Variants in ITPR2 observed in about 807,000 individuals in gnomAD.
ITPR2 encodes the protein inositol 1,4,5-trisphosphate-gated calcium channel ITPR2.
A neutral mutation model predicts 317.1 loss-of-function variants in ITPR2; 207 were observed. That is an observed-to-expected ratio of 0.65 (90% CI 0.58 to 0.73). The LOEUF is 0.73. Ranked by LOEUF, ITPR2 falls within the 30% of genes least tolerant of loss-of-function variation. The pLI, the probability that ITPR2 is intolerant of heterozygous loss-of-function variation, is 0.00. For synonymous variants in ITPR2, 1,156 were observed against 1,149.1 expected (o/e 1.01, Z -0.12); for missense variants, 2,613 against 3,284.0 (o/e 0.80, Z 4.99).
intron 2 of ITPR2, among the ~76,000 whole-genome samples, chr12:26,737,803 T>C (rs1356778154): frequency 6.6e-6 from 1 of 152,220 alleles, no homozygotes; most frequent in East Asian, 1.9e-4. Flanking sequence ...TATGTAAATA[T>C]GTATTATTAT....
intron 37 of ITPR2, among the ~76,000 whole-genome samples, chr12:26,547,479 G>GA (rs1944417224): frequency 6.6e-6 from 1 of 152,200 alleles, no homozygotes; most frequent in Non-Finnish European, 1.5e-5. Context: ...GAGCCACTGT[G>GA]AAAAACAGTA....
chr12:26,385,352 A>G (rs941925519), intron 55 of ITPR2, among the ~76,000 whole-genome samples: 2 of 152,036 alleles, frequency 1.3e-5, no homozygotes, highest in Non-Finnish European at 2.9e-5. Context: ...CTTTCTCCCA[A>G]TGACCAGGCA....
chr12:26,377,235 C>A (rs1939373844), intron 55 of ITPR2, among the ~76,000 whole-genome samples: 1 of 152,150 alleles, frequency 6.6e-6, no homozygotes, highest in African/African-American at 2.4e-5. Context: ...AAGCCCTAGG[C>A]TCTGGCAGAC....
At chr12:26,675,402 A>G (rs1273423903) in intron 13 of ITPR2, among the ~76,000 whole-genome samples, 1 of 149,328 alleles carries the variant, frequency 6.7e-6, no homozygotes, top group African/African-American at 2.5e-5. Context: ...TTGTAGGGAC[A>G]TGGATGAAAT....
chr12:26,603,299 C>A (rs959828805), intron 26 of ITPR2, among the ~76,000 whole-genome samples: 2 of 152,056 alleles, frequency 1.3e-5, no homozygotes, highest in African/African-American at 4.8e-5. Flanking sequence ...GTTTAAATTA[C>A]CAAATTAATA....
At chr12:26,581,674 T>C (rs1344543014) in intron 32 of ITPR2, among the ~76,000 whole-genome samples, 1 of 152,210 alleles carries the variant, frequency 6.6e-6, no homozygotes, top group Non-Finnish European at 1.5e-5. Flanking sequence ...AACCTAGGAT[T>C]AAAATTTAAT....
chr12:26,686,703 A>C, intron 10 of ITPR2, 71 bp from the exon 11 acceptor site: 1 of 1,356,784 alleles, frequency 7.4e-7, no homozygotes, highest in East Asian at 2.4e-5. Context: ...ATCAGGTGAT[A>C]AGGTTTAAAT....
chr12:26,561,957 A>G lies in ITPR2; in HGVS notation c.4631-5T>C, dbSNP rs1253123771. 6.6e-7 allele frequency: 1 copy of G among 1,508,338 alleles called. No individual in the cohort carries two copies. The allele number at this position is 1,508,338 out of a possible 1,614,324, so 93.4% of individuals were successfully genotyped here. A position where few individuals can be genotyped will look rare whatever the true frequency, so the allele number is the denominator to read the frequency against. ...TGGCAATTCCACGATTTTTTGCTGA[A>G]AAAGAAAGATTTAAAATATTTCCCT... On this transcript the variant is annotated splice_polypyrimidine_tract_variant and splice_region_variant and intron_variant, in intron 34 of 56. Coordinates refer to ENST00000381340, the MANE Select transcript of ITPR2 (RefSeq NM_002223.4).
chr12:26,577,567 T>C (rs1033090807), intron 34 of ITPR2, among the ~76,000 whole-genome samples: 3 of 152,200 alleles, frequency 2.0e-5, no homozygotes. Context: ...TTCTCTTTTG[T>C]GGTATACAGA....
At chr12:26,554,323 A>C (rs7970383) in intron 36 of ITPR2, among the ~76,000 whole-genome samples, 52,838 of 151,800 alleles carry the variant, frequency 0.35, 11,379 homozygotes, top group South Asian at 0.49. Flanking sequence ...TTTTTATTTC[A>C]TTTTAATTCA....
chr12:26,781,990 C>CTATATA (rs1491564819), intron 2 of ITPR2, among the ~76,000 whole-genome samples: 4 of 60,318 alleles, frequency 6.6e-5, no homozygotes, highest in African/African-American at 2.7e-4. Context: ...ATAAACTCCC[C>CTATATA]TGTATATATA....
rs541445474 is a variant in ITPR2 at position 26,496,384 on chromosome 12, T to G, written c.5074-1124A>C. Among the ~76,000 whole-genome samples the G allele has an allele frequency of 3.9e-5, 6 of 152,316 alleles. No homozygotes were observed. The South Asian group carries it at 1.2e-3, about 32-fold the overall frequency. Reference sequence around the variant, plus strand: ...CATTCACTTTCTCATATTTTGGCTATTCTTTCTCAAGTTCTTTAGGTATTA... The same window carrying G: ...CATTCACTTTCTCATATTTTGGCTAGTCTTTCTCAAGTTCTTTAGGTATTA... On this transcript the variant is annotated intron_variant, in intron 37 of 56. Coordinates refer to ENST00000381340, the MANE Select transcript of ITPR2 (RefSeq NM_002223.4).
At chr12:26,379,782 G>C (rs1939450066) in intron 55 of ITPR2, among the ~76,000 whole-genome samples, 1 of 152,070 alleles carries the variant, frequency 6.6e-6, no homozygotes, top group East Asian at 1.9e-4. Context: ...TTTATCAATG[G>C]GTACATTGAA....
At chr12:26,616,440 T>C (rs1946376894) in intron 26 of ITPR2, among the ~76,000 whole-genome samples, 1 of 152,132 alleles carries the variant, frequency 6.6e-6, no homozygotes, top group Non-Finnish European at 1.5e-5. Flanking sequence ...CCCGGCCGCA[T>C]GTGGAAATTT....
chr12:26,745,299 T>C (rs1949300725), intron 2 of ITPR2, among the ~76,000 whole-genome samples: 1 of 152,258 alleles, frequency 6.6e-6, no homozygotes, highest in Non-Finnish European at 1.5e-5. Context: ...GAGTTTCTAT[T>C]GCACTTCTAA....
intron 39 of ITPR2, among the ~76,000 whole-genome samples, chr12:26,493,501 T>G (rs1388727581): frequency 6.6e-6 from 1 of 152,148 alleles, no homozygotes; most frequent in Non-Finnish European, 1.5e-5. Context: ...GTTCTAATCC[T>G]CAGTAGGGTG....
At position 26,338,511 on chromosome 12, in the gene ITPR2, A is replaced by G. The variant is rs954886199; in HGVS notation, c.*886T>C. On this transcript the variant is annotated 3_prime_UTR_variant, in exon 57 of 57. Transcript: ENST00000381340. The stretch of plus-strand genomic sequence containing the variant: ...CATGTTTATAAAAGGCAATGCCACC[A>G]TCATAAGTTTCTCAATAATTCCTAT... 3.3e-5 allele frequency: 5 copies of G among 152,620 alleles called. No individual in the cohort carries two copies. The highest frequency in any genetic ancestry group is 3.3e-4 in the Admixed American group (5 of 15,284). 9.5% of individuals were successfully genotyped at this position (152,620 alleles called of 1,614,324 possible). A position where few individuals can be genotyped will look rare whatever the true frequency, so the allele number is the denominator to read the frequency against.
intron 1 of ITPR2, among the ~76,000 whole-genome samples, chr12:26,808,019 G>C (rs1049184692): frequency 1.3e-5 from 2 of 152,154 alleles, no homozygotes; most frequent in Non-Finnish European, 2.9e-5. Context: ...CTTAACCCAA[G>C]CAGGGCCAAA....
intron 2 of ITPR2, among the ~76,000 whole-genome samples, chr12:26,750,875 G>A (rs558014468): frequency 2.4e-4 from 37 of 152,178 alleles, no homozygotes; most frequent in Non-Finnish European, 4.3e-4. Context: ...TTAGAGATCA[G>A]GTGGCATTTA....
Sources: allele counts gnomAD v4.1 joint callset (sites outside exome capture counted in the v4.1 genomes callset), GRCh38; gene constraint gnomAD v4.1.1; transcripts MANE v1.5; gene names NCBI Gene and HGNC (gene_info 2026-07-23, HGNC 2026-07-21).